The following MAP3K21 variants were observed in gnomAD, a reference collection of about 807,000 sequenced individuals.
MAP3K21 encodes mitogen-activated protein kinase kinase kinase MLK4.
In MAP3K21, 63 loss-of-function variants were observed where a neutral mutation model predicts 86.1. That is an observed-to-expected ratio of 0.73 (90% CI 0.60 to 0.90). The LOEUF is 0.90. Among genes scored for constraint, MAP3K21 ranks in the 40% least tolerant of loss-of-function variants. The pLI is 0.00. For missense variants in MAP3K21, 1,220 were observed against 1,367.7 expected, an observed-to-expected ratio of 0.89 and a Z score of 1.70; for synonymous variants, 558 against 564.8, an observed-to-expected ratio of 0.99 and a Z score of 0.17.
At chr1:233,346,345 C>A in intron 1 of MAP3K21, 97 bp from the exon 2 acceptor site, 2 of 895,332 alleles carry the variant, frequency 2.2e-6, no homozygotes, top group Non-Finnish European at 3.4e-6. Context: ...GTTTATTCTG[C>A]CAACTACAGT....
rs746444227 is a variant in MAP3K21, at chr1:233,353,794, C to T, written c.987-13C>T. 4 of 1,562,714 alleles carry T rather than the reference C, an allele frequency of 2.6e-6. No individual in the cohort carries two copies. Among genetic ancestry groups the T allele is most frequent in the East Asian group, 4.5e-5 (2 of 44,008 alleles). On this transcript the variant is annotated splice_polypyrimidine_tract_variant and intron_variant, in intron 2 of 9. Transcript: ENST00000366624. The stretch of plus-strand genomic sequence containing the variant: ...GTTTAGCCCATTGAGCATATGAAAT[C>T]CTTGCTTTCTAGCTATGGAGTGCTG...
At chr1:233,362,372 G>A (rs181153286) in intron 5 of MAP3K21, 79 bp downstream of exon 5, 74 of 1,492,020 alleles carry the variant, frequency 5.0e-5, no homozygotes, top group Non-Finnish European at 6.7e-5. Flanking sequence ...ATCAGAACCA[G>A]GAAAGAGATA....
rs1294184347 is a variant in MAP3K21, at chr1:233,354,794, T to G, written c.1136-42T>G. The G allele has an allele frequency of 3.9e-6, 6 of 1,533,324 alleles. No individual in the cohort carries two copies. The African/African-American group carries it at 8.2e-5, about 21-fold the overall frequency. The allele number at this position is 1,533,324 out of a possible 1,614,324, so 95.0% of individuals were successfully genotyped here. A position where few individuals can be genotyped will look rare whatever the true frequency, so the allele number is the denominator to read the frequency against. On this transcript the variant is annotated intron_variant, in intron 3 of 9. Coordinates refer to ENST00000366624, the MANE Select transcript of MAP3K21 (RefSeq NM_032435.3). ...AAAACATTTCTTAGCAACTCTAAAC[T>G]GCGTTGAGAGATGGTATTAATGTGA...
rs1354403796 is a variant in MAP3K21, at chr1:233,328,162, C to T, written c.134C>T (p.Ala45Val). 2.1e-6 allele frequency: 3 copies of T among 1,459,602 alleles called. No homozygotes were observed. Among genetic ancestry groups the T allele is most frequent in the Non-Finnish European group, 2.7e-6 (3 of 1,112,342 alleles). The allele number at this position is 1,459,602 out of a possible 1,614,324, so 90.4% of individuals were successfully genotyped here. A position where few individuals can be genotyped will look rare whatever the true frequency, so the allele number is the denominator to read the frequency against. Residue 45 changes from alanine (A) to valine (V), a missense_variant, in exon 1 of 10, where the codon GCG becomes GTG. Around this residue, in one of 5 missense-constraint regions of MAP3K21, gnomAD observed 369 missense variants for 385.3 expected, o/e 0.96. Transcript: ENST00000366624. This position sits in a 1 kb window ranked among gnomAD's most constrained non-coding sequence, Gnocchi z 8.7. ...TCGGCGGGCGCGGGGCTGTGGGCCG[C>T]GCTCTATGACTACGAGGCTCGCGGC... The part of the protein sequence containing the change: ...SASAGAGLWA[A>V]LYDYEARGED...
intron 2 of MAP3K21, among the ~76,000 whole-genome samples, chr1:233,352,570 G>A (rs936363178): frequency 8.6e-5 from 13 of 151,856 alleles, no homozygotes; most frequent in African/African-American, 3.1e-4. Context: ...TGTTGGGGCT[G>A]CAGGCACGCA....
At chr1:233,339,416 CCTT>C (rs376004076) in intron 1 of MAP3K21, among the ~76,000 whole-genome samples, 684 of 19,886 alleles carry the variant, frequency 0.034, 40 homozygotes, top group African/African-American at 0.12. Flanking sequence ...TCCTCCTCCT[CCTT>C]CTCCTCCTCC....
chr1:233,338,202 T>C (rs1419225230), intron 1 of MAP3K21, among the ~76,000 whole-genome samples: 1 of 152,220 alleles, frequency 6.6e-6, no homozygotes, highest in Admixed American at 6.5e-5. Context: ...TTTATTTCAG[T>C]ATATGAGCAA....
intron 2 of MAP3K21, among the ~76,000 whole-genome samples, chr1:233,347,199 T>C (rs1334366496): frequency 6.6e-6 from 1 of 152,162 alleles, no homozygotes; most frequent in Non-Finnish European, 1.5e-5. Flanking sequence ...CCAGCCTGAA[T>C]TGACATTTTT....
chr1:233,348,415 T>G (rs1663189013), intron 2 of MAP3K21, among the ~76,000 whole-genome samples: 1 of 152,238 alleles, frequency 6.6e-6, no homozygotes, highest in Admixed American at 6.5e-5. Context: ...TTCCAATTTT[T>G]GGCGACTGCA....
chr1:233,362,675 G>A (rs941325396), intron 5 of MAP3K21, among the ~76,000 whole-genome samples: 2 of 151,978 alleles, frequency 1.3e-5, no homozygotes, highest in Middle Eastern at 3.4e-3. Context: ...TCATCATTAC[G>A]TTCATTGCTT....
chr1:233,367,650 A>G (rs940538266), intron 5 of MAP3K21, among the ~76,000 whole-genome samples: 1 of 152,184 alleles, frequency 6.6e-6, no homozygotes, highest in Non-Finnish European at 1.5e-5. Flanking sequence ...ACCTGAGGTC[A>G]GGAATTCGAG....
chr1:233,351,430 G>A (rs1170685826), intron 2 of MAP3K21, among the ~76,000 whole-genome samples: 1 of 152,136 alleles, frequency 6.6e-6, no homozygotes, highest in Non-Finnish European at 1.5e-5. Flanking sequence ...AATAGCTTGT[G>A]AGCAGTAATA....
Position 233,382,728 on chromosome 1 carries a change from T to C in MAP3K21, c.*17T>C. On this transcript the variant is annotated 3_prime_UTR_variant, in exon 10 of 10. Transcript: ENST00000366624. ...CTGTCTTAAACTAAGTGCCTTACTG[T>C]TGTTTAAGCATTTTTTTAAGGTGAA... 6.3e-7 allele frequency: 1 copy of C among 1,599,248 alleles called. No homozygotes were observed. The highest frequency in any genetic ancestry group is 8.6e-7 in the Non-Finnish European group (1 of 1,169,026).
In MAP3K21 at chr1:233,328,688, CCCGCGCGCGCCCGGCCCCCG is replaced by C. The variant is rs1231481787; in HGVS notation, c.672_691del (p.Gly225HisfsTer22). The C allele has an allele frequency of 2.2e-6, 3 of 1,355,216 alleles. No individual in the cohort carries two copies. Among genetic ancestry groups the C allele is most frequent in the South Asian group, 1.9e-5 (1 of 51,790 alleles). 83.9% of individuals were successfully genotyped at this position (1,355,216 alleles called of 1,614,324 possible). ...TGGCCGCTGCCAACGCCGCCCCGGA[CCCGCGCGCGCCCGGCCCCCG>C]CCGCGCGCGCCGCATCCCTCCGCAC... On this transcript the variant is annotated frameshift_variant, in exon 1 of 10. Coordinates refer to ENST00000366624, the MANE Select transcript of MAP3K21 (RefSeq NM_032435.3). LOFTEE classifies it high-confidence loss of function. The surrounding 1 kb of genome is among the most constrained non-coding windows in gnomAD (Gnocchi z 8.7).
At chr1:233,345,982 T>C (rs1394175719) in intron 1 of MAP3K21, among the ~76,000 whole-genome samples, 1 of 152,206 alleles carries the variant, frequency 6.6e-6, no homozygotes, top group African/African-American at 2.4e-5. Context: ...AGTTAAAGAA[T>C]CTATAAGCAC....
intron 1 of MAP3K21, among the ~76,000 whole-genome samples, chr1:233,346,196 T>C (rs1663135646): frequency 6.6e-6 from 1 of 152,248 alleles, no homozygotes; most frequent in Non-Finnish European, 1.5e-5. Context: ...AGAAATCATT[T>C]ACTTTCTCAG....
chr1:233,348,714 G>A (rs1410596783), intron 2 of MAP3K21, among the ~76,000 whole-genome samples: 1 of 151,906 alleles, frequency 6.6e-6, no homozygotes, highest in Non-Finnish European at 1.5e-5. Context: ...GTATCTCATG[G>A]TTAAAATTAC....
chr1:233,347,889 T>C (rs913765563), intron 2 of MAP3K21, among the ~76,000 whole-genome samples: 14 of 152,080 alleles, frequency 9.2e-5, no homozygotes, highest in African/African-American at 3.1e-4. Context: ...GAAATAAAAG[T>C]TGAGAAAGAA....
chr1:233,367,136 G>A (rs1663592223), intron 5 of MAP3K21, among the ~76,000 whole-genome samples: 1 of 152,094 alleles, frequency 6.6e-6, no homozygotes, highest in Admixed American at 6.6e-5. Flanking sequence ...TCCAAAAGTT[G>A]GTATGTCACT....
Sources: gnomAD v4.1 joint callset for allele counts (sites outside exome capture counted in the v4.1 genomes callset) on GRCh38, gnomAD v4.1.1 for gene constraint, gnomAD v4.1.1 regional missense constraint, Gnocchi (gnomAD v3.1) non-coding constraint, MANE v1.5 for transcripts, NCBI Gene and HGNC (gene_info 2026-07-23, HGNC 2026-07-21) for gene names.